DNTTIP2: variants seen among roughly 807,000 people sequenced by gnomAD.
The protein encoded by DNTTIP2 is deoxynucleotidyltransferase terminal interacting protein 2.
DNTTIP2 carries 47 observed loss-of-function variants against 62.4 expected under a neutral mutation model. That is an observed-to-expected ratio of 0.75 (90% CI 0.60 to 0.96). DNTTIP2 has a LOEUF of 0.96. Ranked by LOEUF, DNTTIP2 falls within the 40% of genes least tolerant of loss-of-function variation. DNTTIP2 has a pLI of 0.00. For missense variants in DNTTIP2, 870 were observed against 849.1 expected, an observed-to-expected ratio of 1.02 and a Z score of -0.31; for synonymous variants, 322 against 300.9, an observed-to-expected ratio of 1.07 and a Z score of -0.73.
At position 93,877,527 on chromosome 1, in the gene DNTTIP2, A is replaced by G; in HGVS notation, c.408T>C (p.Thr136=). The change falls in exon 2 of 7, where the codon ACT becomes ACC. Residue 136 remains threonine, a synonymous_variant. Transcript: ENST00000436063. The part of the protein sequence containing the change: ...PKVTPTKESY[T]EEIVSEAESH... Reference sequence around the variant, plus strand: ...ATTCTGCTTCAGACACTATTTCTTCAGTGTAAGACTCCTTTGTTGGAGTTA... The same window carrying G: ...ATTCTGCTTCAGACACTATTTCTTCGGTGTAAGACTCCTTTGTTGGAGTTA... 1.2e-6 allele frequency: 2 copies of G among 1,614,004 alleles called. No homozygotes were observed. Among genetic ancestry groups the G allele is most frequent in the Non-Finnish European group, 1.7e-6 (2 of 1,179,882 alleles).
intron 5 of DNTTIP2, among the ~76,000 whole-genome samples, chr1:93,871,759 C>T (rs138075736): frequency 0.013 from 1,918 of 152,268 alleles, 33 homozygotes; most frequent in African/African-American, 0.044. Flanking sequence ...TACCCTTTTA[C>T]CCCTATCCCG....
At chr1:93,871,151 T>G (rs1043316524) in intron 5 of DNTTIP2, among the ~76,000 whole-genome samples, 2 of 152,200 alleles carry the variant, frequency 1.3e-5, no homozygotes, top group African/African-American at 4.8e-5. Context: ...GTTTCCTAGG[T>G]CATCACAAAG....
chr1:93,877,063 T>A lies in DNTTIP2; in HGVS notation c.872A>T (p.Glu291Val). 1 of 1,612,176 alleles carries A rather than the reference T, an allele frequency of 6.2e-7. No individual in the cohort carries two copies. The highest frequency in any genetic ancestry group is 8.5e-7 in the Non-Finnish European group (1 of 1,179,838). Reference protein sequence around the residue: ...HEQANVESLKETKQNCKDLDE... With the variant: ...HEQANVESLKVTKQNCKDLDE... ...CAAATCCTTACAATTCTGTTTTGTT[T>A]CTTTAAGAGATTCAACATTGGCCTG... is the stretch of plus-strand genomic sequence containing the variant. The change falls in exon 2 of 7, where the codon GAA becomes GTA. Residue 291 changes from glutamate to valine, a missense_variant. Coordinates refer to ENST00000436063, the MANE Select transcript of DNTTIP2 (RefSeq NM_014597.5).
intron 3 of DNTTIP2, among the ~76,000 whole-genome samples, chr1:93,874,306 G>T (rs79248453): frequency 6.6e-6 from 1 of 152,000 alleles, no homozygotes; most frequent in Non-Finnish European, 1.5e-5. Context: ...TACTATGCAC[G>T]GAACATCTCA....
At position 93,877,543 on chromosome 1, in the gene DNTTIP2, G is replaced by A. The variant is rs1656044426; in HGVS notation, c.392C>T (p.Thr131Ile). The change falls in exon 2 of 7, where the codon ACA (threonine) becomes ATA (isoleucine). Residue 131 changes from threonine (T) to isoleucine (I), a missense_variant. Physicochemically the swap from Thr to Ile is moderately conservative, Grantham distance 89. Coordinates refer to ENST00000436063, the MANE Select transcript of DNTTIP2 (RefSeq NM_014597.5). ...TATTTCTTCAGTGTAAGACTCCTTTGTTGGAGTTACTTTCGGCTTTTTCCT... is the reference window on the plus strand; with the variant it reads ...TATTTCTTCAGTGTAAGACTCCTTTATTGGAGTTACTTTCGGCTTTTTCCT... ...SVRKKPKVTP[T>I]KESYTEEIVS... is the part of the protein sequence containing the mutation. The A allele has an allele frequency of 6.2e-7, 1 of 1,613,882 alleles. No homozygotes were observed. Among genetic ancestry groups the A allele is most frequent in the South Asian group, 1.1e-5 (1 of 91,086 alleles).
In DNTTIP2 at chr1:93,876,893, C is replaced by T; in HGVS notation, c.1042G>A (p.Val348Ile). 16 of 1,613,884 alleles carry T rather than the reference C, an allele frequency of 9.9e-6. No homozygotes were observed. Among genetic ancestry groups the T allele is most frequent in the African/African-American group, 1.3e-5 (1 of 75,030 alleles). ...GAGTTCAGATTAGAGTGCACTGATACAGCATTTTTATTTTGGGGGGTTGAA... is the reference window on the plus strand; with the variant it reads ...GAGTTCAGATTAGAGTGCACTGATATAGCATTTTTATTTTGGGGGGTTGAA... ...RHSTPQNKNA[V>I]SVHSNLNSEA... Residue 348 changes from valine to isoleucine, a missense_variant, in exon 2 of 7, where the codon GTA (valine) becomes ATA (isoleucine). Val to Ile is a conservative substitution (Grantham distance 29). Coordinates refer to ENST00000436063, the MANE Select transcript of DNTTIP2 (RefSeq NM_014597.5).
At chr1:93,877,953 T>G in intron 1 of DNTTIP2, 91 bp from the exon 2 acceptor site, 1 of 1,436,780 alleles carries the variant, frequency 7.0e-7, no homozygotes, top group Non-Finnish European at 9.1e-7. Flanking sequence ...TAAAACCCAG[T>G]AAACAAGATT....
intron 5 of DNTTIP2, among the ~76,000 whole-genome samples, chr1:93,871,253 G>A: frequency 6.6e-6 from 1 of 152,192 alleles, no homozygotes; most frequent in East Asian, 1.9e-4. Flanking sequence ...ACCAGGCACT[G>A]TGTTACATGT....
intron 4 of DNTTIP2, 103 bp downstream of exon 4, chr1:93,873,016 T>C (rs1197376573): frequency 6.7e-6 from 5 of 750,512 alleles, no homozygotes; most frequent in Admixed American, 5.6e-5. Context: ...TTTGGACTCA[T>C]ATATAGACCA....
In DNTTIP2 at chr1:93,879,153, C is replaced by G; in HGVS notation, c.-5G>C. On this transcript the variant is annotated 5_prime_UTR_variant, in exon 1 of 7. Transcript: ENST00000436063. ...TGCAGATCTGGTAACCACCATCTTT[C>G]CGGCTCCCTCGCGACCACCACGACT... 6 of 1,612,374 alleles carry G rather than the reference C, an allele frequency of 3.7e-6. No individual in the cohort carries two copies. The highest frequency in any genetic ancestry group is 4.2e-6 in the Non-Finnish European group (5 of 1,179,520).
rs1655728981 is a variant in DNTTIP2 at position 93,866,549 on chromosome 1, G to A, written c.*3302C>T. 6.6e-6 allele frequency: 1 copy of A among 151,850 alleles called. No homozygotes were observed. The highest frequency in any genetic ancestry group is 6.6e-5 in the Admixed American group (1 of 15,238). The allele number at this position is 151,850 out of a possible 1,614,324, so 9.4% of individuals were successfully genotyped here. On this transcript the variant is annotated 3_prime_UTR_variant, in exon 7 of 7. Coordinates refer to ENST00000436063, the MANE Select transcript of DNTTIP2 (RefSeq NM_014597.5). ...AATGTTAACTTTTTTTTCCCATTAT[G>A]GTATTTTCTTTAACTTGCTGTTTCT...
In DNTTIP2 at chr1:93,876,754, C is replaced by G. The variant is rs1164111722; in HGVS notation, c.1181G>C (p.Cys394Ser). The change falls in exon 2 of 7, where the codon TGT (cysteine) becomes TCT (serine). Residue 394 changes from cysteine to serine, a missense_variant. Coordinates refer to ENST00000436063, the MANE Select transcript of DNTTIP2 (RefSeq NM_014597.5). ...CTCTTCTTCATCATCACTACCACCA[C>G]AATCACCAAACTTTGTCAAGTCACT... The part of the protein sequence containing the change: ...KASDLTKFGD[C>S]GGSDDEEEST... 6.2e-7 allele frequency: 1 copy of G among 1,613,900 alleles called. No homozygotes were observed. The highest frequency in any genetic ancestry group is 8.5e-7 in the Non-Finnish European group (1 of 1,179,890).
chr1:93,871,993 G>A, intron 5 of DNTTIP2, 79 bp downstream of exon 5: 2 of 1,460,688 alleles, frequency 1.4e-6, no homozygotes, highest in Non-Finnish European at 1.9e-6. Flanking sequence ...TCTATTTTAG[G>A]AGTAAACTTT....
chr1:93,874,010 C>G (rs2100885652), intron 3 of DNTTIP2, among the ~76,000 whole-genome samples: 1 of 152,270 alleles, frequency 6.6e-6, no homozygotes, highest in East Asian at 1.9e-4. Flanking sequence ...AAATGATCAA[C>G]TCAGAAATTA....
intron 3 of DNTTIP2, among the ~76,000 whole-genome samples, chr1:93,873,639 A>G (rs940377328): frequency 6.6e-6 from 1 of 150,972 alleles, no homozygotes; most frequent in African/African-American, 2.4e-5. Context: ...AAAAAGAAAA[A>G]AGAAAAAAAA....
intron 2 of DNTTIP2, 61 bp from the exon 3 acceptor site, chr1:93,875,844 T>C (rs1655986179): frequency 6.6e-6 from 10 of 1,509,892 alleles, no homozygotes; most frequent in Admixed American, 2.4e-5. Flanking sequence ...ACATATAAGA[T>C]GGCATTTTAA....
rs745621233 is a variant in DNTTIP2, at chr1:93,873,199, C to T, written c.1822G>A (p.Val608Ile). 24 of 1,610,334 alleles carry T rather than the reference C, an allele frequency of 1.5e-5. No individual in the cohort carries two copies. The highest frequency in any genetic ancestry group is 8.4e-5 in the Admixed American group (5 of 59,698). ...KKKNELLQKA[V>I]ITPDFEKNHC... ...TTTTTTTCAAAATCAGGTGTAATGACGGCTTTCTGCAGAAGCTATAAAAAC... is the reference window on the plus strand; with the variant it reads ...TTTTTTTCAAAATCAGGTGTAATGATGGCTTTCTGCAGAAGCTATAAAAAC... Residue 608 changes from valine (V) to isoleucine (I), a missense_variant, in exon 4 of 7, where the codon GTC becomes ATC. Val to Ile is a conservative substitution (Grantham distance 29, BLOSUM62 3). Coordinates refer to ENST00000436063, the MANE Select transcript of DNTTIP2 (RefSeq NM_014597.5).
Position 93,877,560 on chromosome 1 carries a change from C to T in DNTTIP2, c.375G>A (p.Lys125=), listed in dbSNP as rs760360601. The change falls in exon 2 of 7, where the codon AAG becomes AAA. Residue 125 remains lysine (K), a synonymous_variant. Coordinates refer to ENST00000436063, the MANE Select transcript of DNTTIP2 (RefSeq NM_014597.5). The stretch of plus-strand genomic sequence containing the variant: ...ACTCCTTTGTTGGAGTTACTTTCGG[C>T]TTTTTCCTAACACTGGACACTGGGG... ...ACSPVSSVRK[K]PKVTPTKESY... is the part of the protein sequence containing the mutation. The T allele has an allele frequency of 6.2e-7, 1 of 1,613,972 alleles. No homozygotes were observed. Among genetic ancestry groups the T allele is most frequent in the East Asian group, 2.2e-5 (1 of 44,886 alleles).
rs1655726952 is a variant in DNTTIP2 at position 93,866,417 on chromosome 1, TAAGTA to T, written c.*3429_*3433del. On this transcript the variant is annotated 3_prime_UTR_variant, in exon 7 of 7. Transcript: ENST00000436063. ...ATTAAATAGTAAGTACAAATTCCAT[TAAGTA>T]AACAATTAGGCATTTTTCAATGGTT... 1 of 152,242 alleles carries T rather than the reference TAAGTA, an allele frequency of 6.6e-6. No homozygotes were observed. The highest frequency in any genetic ancestry group is 1.5e-5 in the Non-Finnish European group (1 of 68,038). The allele number at this position is 152,242 out of a possible 1,614,324, so 9.4% of individuals were successfully genotyped here.
Sources: gnomAD v4.1 joint callset for allele counts (sites outside exome capture counted in the v4.1 genomes callset) on GRCh38, gnomAD v4.1.1 for gene constraint, MANE v1.5 for transcripts, NCBI Gene and HGNC (gene_info 2026-07-23, HGNC 2026-07-21) for gene names.